Variants in SLC7A10 observed in about 807,000 individuals in gnomAD.
The protein encoded by SLC7A10 is solute carrier family 7 member 10.
SLC7A10 carries 30 observed loss-of-function variants against 52.7 expected under a neutral mutation model. The observed-to-expected ratio is 0.57, with a 90% CI of 0.43 to 0.77. The LOEUF (loss-of-function observed/expected upper bound fraction) is 0.77, where lower values mean the gene tolerates loss of function less well. Among genes scored for constraint, SLC7A10 ranks in the 30% least tolerant of loss-of-function variants. SLC7A10 has a pLI of 0.00. For synonymous variants in SLC7A10, 318 were observed against 314.9 expected, an observed-to-expected ratio of 1.01 and a Z score of -0.10; for missense variants, 581 against 698.5, an observed-to-expected ratio of 0.83 and a Z score of 1.90.
At chr19:33,211,183 C>G (rs1355743663) in intron 7 of SLC7A10, 42 bp downstream of exon 7, 1 of 1,584,830 alleles carries the variant, frequency 6.3e-7, no homozygotes, top group East Asian at 2.2e-5. Context: ...ACCTGCACCC[C>G]AGCCTTCCCT....
intron 1 of SLC7A10, among the ~76,000 whole-genome samples, chr19:33,223,583 G>C (rs746375056): frequency 6.6e-6 from 1 of 151,716 alleles, no homozygotes; most frequent in Non-Finnish European, 1.5e-5. Context: ...ATCACCTTCT[G>C]GTTGAGGTTG....
At chr19:33,217,436 T>C (rs886772230) in intron 1 of SLC7A10, among the ~76,000 whole-genome samples, 2 of 152,212 alleles carry the variant, frequency 1.3e-5, no homozygotes, top group Non-Finnish European at 2.9e-5. Flanking sequence ...AGGGACAATG[T>C]TCTGGGTTAT....
chr19:33,208,751 G>C lies in SLC7A10; in HGVS notation c.*140C>G, dbSNP rs1180511880. The C allele has an allele frequency of 1.9e-6, 2 of 1,039,188 alleles. No homozygotes were observed. The highest frequency in any genetic ancestry group is 2.7e-6 in the Non-Finnish European group (2 of 733,020). 64.4% of individuals were successfully genotyped at this position (1,039,188 alleles called of 1,614,324 possible). The stretch of plus-strand genomic sequence containing the variant: ...CAGGAAACCCAGTCCACATTTTAGG[G>C]CTTCCTTAAACAGGCTTCTGAGAGT... On this transcript the variant is annotated 3_prime_UTR_variant, in exon 11 of 11. Coordinates refer to ENST00000253188, the MANE Select transcript of SLC7A10 (RefSeq NM_019849.3). The surrounding 1 kb of genome is among the most constrained non-coding windows in gnomAD (Gnocchi z 4.7).
In SLC7A10 at chr19:33,212,936, G is replaced by A. The variant is rs376322838; in HGVS notation, c.423C>T (p.Thr141=). Residue 141 remains threonine, a synonymous_variant, in exon 3 of 11, where the codon ACC becomes ACT. Transcript: ENST00000253188. ...CGGGCTGCAGCACGTAGTTGGAGAA[G>A]GTCATGGAGATGACAGCAAGGCTGG... ...YPTSLAVISM[T]FSNYVLQPVF... The A allele has an allele frequency of 1.2e-6, 2 of 1,614,192 alleles. No individual in the cohort carries two copies. Among genetic ancestry groups the A allele is most frequent in the East Asian group, 2.2e-5 (1 of 44,888 alleles).
Position 33,225,696 on chromosome 19 carries a change from C to T in SLC7A10, c.8G>A (p.Gly3Asp). The T allele has an allele frequency of 6.5e-7, 1 of 1,533,132 alleles. No homozygotes were observed. Among genetic ancestry groups the T allele is most frequent in the Non-Finnish European group, 8.7e-7 (1 of 1,149,156 alleles). The allele number at this position is 1,533,132 out of a possible 1,614,324, so 95.0% of individuals were successfully genotyped here. The change falls in exon 1 of 11, where the codon GGC (glycine) becomes GAC (aspartate). Residue 3 changes from glycine to aspartate, a missense_variant. By Grantham distance (94) the Gly-to-Asp change is moderately conservative (BLOSUM62 -1). Transcript: ENST00000253188. MA[G>D]HTQQPSGRGN... ...GCGCCCGCTCGGCTGCTGCGTGTGGCCGGCCATGTCGCTGTCCCGCCGCGT... is the reference window on the plus strand; with the variant it reads ...GCGCCCGCTCGGCTGCTGCGTGTGGTCGGCCATGTCGCTGTCCCGCCGCGT...
In SLC7A10 at chr19:33,216,199, A is replaced by G. The variant is rs551138321; in HGVS notation, c.152-226T>C. Among the ~76,000 whole-genome samples, 73 of 152,148 alleles carry G rather than the reference A, an allele frequency of 4.8e-4. 1 individual carries two copies. Among genetic ancestry groups the G allele is most frequent in the Non-Finnish European group, 8.8e-5 (6 of 67,974 alleles). On this transcript the variant is annotated intron_variant, in intron 1 of 10. Transcript: ENST00000253188. ...CCTTCCTCAGTCCCTCACATAGGAA[A>G]TGGCACCTCGTTCAGCTGGCCAGGC...
rs748528394 is a variant in SLC7A10, at chr19:33,212,943, G to T, written c.416C>A (p.Ser139Tyr). The change falls in exon 3 of 11, where the codon TCC becomes TAC. Residue 139 changes from serine to tyrosine, a missense_variant. Ser to Tyr is a moderately radical substitution (Grantham distance 144). Transcript: ENST00000253188. ...IMYPTSLAVI[S>Y]MTFSNYVLQP... ...CAGCACGTAGTTGGAGAAGGTCATG[G>T]AGATGACAGCAAGGCTGGTGGGGTA... 6.2e-7 allele frequency: 1 copy of T among 1,614,184 alleles called. No homozygotes were observed.
Position 33,211,486 on chromosome 19 carries a change from G to A in SLC7A10, c.840C>T (p.Tyr280=), listed in dbSNP as rs767731242. ...TGAAGTAGGCAATGTTGGTGAACGT[G>A]TACACGAAGGTCACCAGTGGGATGG... ...FISIPLVTFV[Y]TFTNIAYFTA... Residue 280 remains tyrosine, a synonymous_variant, in exon 6 of 11, where the codon TAC becomes TAT. Transcript: ENST00000253188. 1.1e-5 allele frequency: 18 copies of A among 1,613,998 alleles called. No homozygotes were observed. Among genetic ancestry groups the A allele is most frequent in the Non-Finnish European group, 1.4e-5 (16 of 1,180,038 alleles).
At chr19:33,211,957 C>T (rs1974563436) in intron 5 of SLC7A10, 3 of 490,022 alleles carry the variant, frequency 6.1e-6, no homozygotes, top group Non-Finnish European at 1.1e-5. Context: ...GCATCAGACG[C>T]AGTCATTGGC....
intron 2 of SLC7A10, among the ~76,000 whole-genome samples, chr19:33,214,215 C>A (rs1414200924): frequency 6.6e-6 from 1 of 152,196 alleles, no homozygotes; most frequent in Non-Finnish European, 1.5e-5. Context: ...GAGACTGCCA[C>A]AGATGCACCC....
chr19:33,215,471 A>G (rs1974651743), intron 2 of SLC7A10, among the ~76,000 whole-genome samples: 1 of 151,954 alleles, frequency 6.6e-6, no homozygotes, highest in Non-Finnish European at 1.5e-5. Context: ...AGGGACCTCT[A>G]TTTAAAAGGA....
At chr19:33,220,030 G>C (rs1376805581) in intron 1 of SLC7A10, 1 of 152,298 alleles carries the variant, frequency 6.6e-6, no homozygotes, top group Non-Finnish European at 1.5e-5. Flanking sequence ...AACACCCCGG[G>C]GTGATCGGCT....
chr19:33,210,898 C>A lies in SLC7A10; in HGVS notation c.1017G>T (p.Arg339Ser), dbSNP rs1251506932. 1 of 1,613,186 alleles carries A rather than the reference C, an allele frequency of 6.2e-7. No individual in the cohort carries two copies. The highest frequency in any genetic ancestry group is 8.5e-7 in the Non-Finnish European group (1 of 1,179,944). ...CCTCGCGGGCTCCAGAGAAGCACAGCCTAGCGTTGGGGACAGATATGGGCA... is the reference window on the plus strand; with the variant it reads ...CCTCGCGGGCTCCAGAGAAGCACAGACTAGCGTTGGGGACAGATATGGGCA... ...GINGYLFTYS[R>S]LCFSGAREGH... is the part of the protein sequence containing the mutation. The change falls in exon 8 of 11, where the codon AGG becomes AGT. Residue 339 changes from arginine to serine, a missense_variant and splice_region_variant. Arg to Ser is a moderately radical substitution (Grantham distance 110, BLOSUM62 -1). Transcript: ENST00000253188. The surrounding 1 kb of genome is among the most constrained non-coding windows in gnomAD (Gnocchi z 5.6).
intron 2 of SLC7A10, among the ~76,000 whole-genome samples, chr19:33,213,204 G>C (rs151125297): frequency 6.6e-6 from 1 of 152,206 alleles, no homozygotes; most frequent in Admixed American, 6.5e-5. Flanking sequence ...TAACAGAGAA[G>C]GTGTTACCCG....
chr19:33,225,516 C>T, intron 1 of SLC7A10, 37 bp downstream of exon 1: 1 of 1,592,714 alleles, frequency 6.3e-7, no homozygotes. Flanking sequence ...CCTCATTCGG[C>T]CTCCGCCCGG....
At chr19:33,221,518 T>C (rs1599958971) in intron 1 of SLC7A10, among the ~76,000 whole-genome samples, 2 of 152,280 alleles carry the variant, frequency 1.3e-5, no homozygotes, top group Non-Finnish European at 2.9e-5. Flanking sequence ...TTGCCTCAGT[T>C]TCCTCACCTG....
chr19:33,214,835 C>A (rs1213831714), intron 2 of SLC7A10, among the ~76,000 whole-genome samples: 1 of 152,270 alleles, frequency 6.6e-6, no homozygotes. Context: ...ATTTAAGGGG[C>A]TGCTTCCTCT....
intron 1 of SLC7A10, among the ~76,000 whole-genome samples, chr19:33,217,441 G>T (rs951099529): frequency 6.6e-6 from 1 of 152,206 alleles, no homozygotes; most frequent in Non-Finnish European, 1.5e-5. Context: ...CAATGTTCTG[G>T]GTTATATGGG....
chr19:33,211,172 C>T (rs1260413484), intron 7 of SLC7A10, 53 bp downstream of exon 7: 1 of 1,527,438 alleles, frequency 6.5e-7, no homozygotes, highest in Non-Finnish European at 9.1e-7. Flanking sequence ...GACTGGTGCA[C>T]ACCTGCACCC....
Sources: gnomAD v4.1 joint callset for allele counts (sites outside exome capture counted in the v4.1 genomes callset) on GRCh38, gnomAD v4.1.1 for gene constraint, Gnocchi (gnomAD v3.1) non-coding constraint, MANE v1.5 for transcripts, NCBI Gene and HGNC (gene_info 2026-07-23, HGNC 2026-07-21) for gene names.